RPS6KA2: variants seen among roughly 807,000 people sequenced by gnomAD.
RPS6KA2 encodes the protein ribosomal protein S6 kinase alpha-2.
A neutral mutation model predicts 91.8 loss-of-function variants in RPS6KA2; 42 were observed. The ratio of observed to expected loss-of-function variants is 0.46; its 90% CI spans 0.36 to 0.59. RPS6KA2 has a LOEUF of 0.59. RPS6KA2 is among the 20% of genes least tolerant of loss of function. The probability of loss-of-function intolerance (pLI) is 0.00; values close to 1 mark genes in which losing one functional copy is unlikely to be tolerated. For missense variants in RPS6KA2, 798 were observed against 978.5 expected (o/e 0.82, Z 2.46); for synonymous variants, 414 against 393.6 (o/e 1.05, Z -0.61).
chr6:166,775,576 C>T (rs758463843), intron 2 of RPS6KA2, among the ~76,000 whole-genome samples: 1 of 152,208 alleles, frequency 6.6e-6, no homozygotes, highest in Non-Finnish European at 1.5e-5. Flanking sequence ...CCATGACCCC[C>T]GACTCTCCCT....
rs112738788 is a variant in RPS6KA2, at chr6:166,848,214, C to T, written c.123+9986G>A. Among the ~76,000 whole-genome samples, 130 of 152,302 alleles carry T rather than the reference C, an allele frequency of 8.5e-4. 2 individuals carry two copies. The highest frequency in any genetic ancestry group is 3.0e-3 in the African/African-American group (126 of 41,562). On this transcript the variant is annotated intron_variant, in intron 2 of 21. Transcript: ENST00000503859. Reference sequence around the variant, plus strand: ...TATCAAAACCACAATGCAATATCATCTCACTCCTGCAATAATGCCCATAAT... The same window carrying T: ...TATCAAAACCACAATGCAATATCATTTCACTCCTGCAATAATGCCCATAAT...
At chr6:166,692,695 T>G (rs1789245865) in intron 2 of RPS6KA2, among the ~76,000 whole-genome samples, 1 of 152,244 alleles carries the variant, frequency 6.6e-6, no homozygotes, top group Non-Finnish European at 1.5e-5. Context: ...ACTGGCCTGT[T>G]TGGCTTCCAG....
rs147955259 is a variant in RPS6KA2, at chr6:166,483,503, G to A, written c.907+5330C>T. ...GGAAAAATCAGGCCTGATTTCTTACGGAGTTGGAAAAAATTAAGAAAAGCC... is the reference window on the plus strand; with the variant it reads ...GGAAAAATCAGGCCTGATTTCTTACAGAGTTGGAAAAAATTAAGAAAAGCC... On this transcript the variant is annotated intron_variant, in intron 10 of 20. Coordinates refer to ENST00000265678, the MANE Select transcript of RPS6KA2 (RefSeq NM_021135.6). Among the ~76,000 whole-genome samples the A allele has an allele frequency of 2.2e-3, 341 of 152,322 alleles. 2 individuals are homozygous for A. Among genetic ancestry groups the A allele is most frequent in the African/African-American group, 7.6e-3 (318 of 41,570 alleles).
At chr6:166,751,488 C>T (rs4710091) in intron 2 of RPS6KA2, among the ~76,000 whole-genome samples, 59,284 of 151,478 alleles carry the variant, frequency 0.39, 12,384 homozygotes, top group Non-Finnish European at 0.47. Context: ...CACCGCAGGG[C>T]GTGGAGGAGG....
intron 2 of RPS6KA2, among the ~76,000 whole-genome samples, chr6:166,845,979 A>C (rs1780595861): frequency 6.6e-6 from 1 of 152,174 alleles, no homozygotes; most frequent in Non-Finnish European, 1.5e-5. Context: ...TAACCAAGAA[A>C]AAAAGAGAAA....
intron 2 of RPS6KA2, among the ~76,000 whole-genome samples, chr6:166,654,842 T>C (rs919719367): frequency 1.1e-4 from 17 of 152,218 alleles, no homozygotes; most frequent in Admixed American, 9.8e-4. Context: ...AGACACTCGC[T>C]TCTGCCTGCC....
chr6:166,653,918 A>T (rs1787934709), intron 2 of RPS6KA2, among the ~76,000 whole-genome samples: 1 of 152,244 alleles, frequency 6.6e-6, no homozygotes, highest in African/African-American at 2.4e-5. Flanking sequence ...GGATTTTAGG[A>T]GGCTGTGCAA....
intron 11 of RPS6KA2, among the ~76,000 whole-genome samples, chr6:166,464,119 C>T (rs1780432385): frequency 6.6e-6 from 1 of 152,206 alleles, no homozygotes; most frequent in Non-Finnish European, 1.5e-5. Flanking sequence ...GCCTACAGCT[C>T]CCACACCCCC....
intron 1 of RPS6KA2, among the ~76,000 whole-genome samples, chr6:166,598,103 T>TC (rs1785604434): frequency 6.6e-6 from 1 of 152,250 alleles, no homozygotes; most frequent in African/African-American, 2.4e-5. Context: ...TTGTTGCTAT[T>TC]ATTTTCCTTA....
chr6:166,620,199 G>C (rs1206613530), intron 1 of RPS6KA2, among the ~76,000 whole-genome samples: 1 of 152,140 alleles, frequency 6.6e-6, no homozygotes, highest in Non-Finnish European at 1.5e-5. Context: ...TTTCTTATTT[G>C]TCAATCTCAT....
chr6:166,658,603 T>C (rs886704402), intron 2 of RPS6KA2, among the ~76,000 whole-genome samples: 1 of 152,050 alleles, frequency 6.6e-6, no homozygotes, highest in Non-Finnish European at 1.5e-5. Context: ...CATGTCAGGA[T>C]GTACCGGGAC....
Position 166,807,376 on chromosome 6 carries a change from C to G in RPS6KA2, c.123+50824G>C, listed in dbSNP as rs185045075. Among the ~76,000 whole-genome samples, 17 of 152,252 alleles carry G rather than the reference C, an allele frequency of 1.1e-4. No individual in the cohort carries two copies. The East Asian group carries it at 3.3e-3, about 29-fold the overall frequency. The stretch of plus-strand genomic sequence containing the variant: ...TGTTGACTCTGCCTTCCAAATATAC[C>G]CACACATGTGTTCTTTTTTCCACTT... On this transcript the variant is annotated intron_variant, in intron 2 of 21. Transcript: ENST00000503859.
intron 1 of RPS6KA2, among the ~76,000 whole-genome samples, chr6:166,562,665 C>T (rs1044272806): frequency 6.6e-6 from 1 of 152,212 alleles, no homozygotes; most frequent in African/African-American, 2.4e-5. Flanking sequence ...CAGGCTCAAC[C>T]TGGCGGGAAA....
At chr6:166,562,982 G>A (rs956006702) in intron 1 of RPS6KA2, among the ~76,000 whole-genome samples, 5 of 152,220 alleles carry the variant, frequency 3.3e-5, no homozygotes, top group East Asian at 1.9e-4. Context: ...CTGAGAAGGC[G>A]GCCGAGCCAG....
At chr6:166,851,552 C>T (rs1780743914) in intron 2 of RPS6KA2, among the ~76,000 whole-genome samples, 1 of 152,230 alleles carries the variant, frequency 6.6e-6, no homozygotes, top group East Asian at 1.9e-4. Context: ...TGCTGGTGCA[C>T]ACTCCCTGGA....
At chr6:166,756,686 A>G (rs1778018730) in intron 2 of RPS6KA2, among the ~76,000 whole-genome samples, 1 of 152,026 alleles carries the variant, frequency 6.6e-6, no homozygotes, top group South Asian at 2.1e-4. Context: ...CATCTCTACT[A>G]AAATACAAAA....
rs80115982 is a variant in RPS6KA2, at chr6:166,733,626, A to G, written c.123+124574T>C. ...AAGCCAGTGCCAGTCTCTTTAGGAA[A>G]AAGGTTTGGTAACACGGAGGTCACT... is the stretch of plus-strand genomic sequence containing the variant. On this transcript the variant is annotated intron_variant, in intron 2 of 21. Transcript: ENST00000503859. The surrounding 1 kb of genome is among the most constrained non-coding windows in gnomAD (Gnocchi z 4.1). Among the ~76,000 whole-genome samples, 3,025 of 152,230 alleles carry G rather than the reference A, an allele frequency of 0.02. 95 individuals are homozygous for G. The highest frequency in any genetic ancestry group is 0.067 in the African/African-American group (2,774 of 41,512).
intron 2 of RPS6KA2, among the ~76,000 whole-genome samples, chr6:166,711,646 G>A (rs1789857270): frequency 6.6e-6 from 1 of 151,882 alleles, no homozygotes; most frequent in Non-Finnish European, 1.5e-5. Flanking sequence ...CTGAGTCGAG[G>A]GAACAAAGGA....
intron 12 of RPS6KA2, among the ~76,000 whole-genome samples, chr6:166,453,065 G>T (rs111983017): frequency 3.3e-5 from 5 of 152,204 alleles, no homozygotes; most frequent in African/African-American, 1.2e-4. Flanking sequence ...GCCAGGTGTG[G>T]TGGTGTACGC....
Sources: allele counts gnomAD v4.1 joint callset (sites outside exome capture counted in the v4.1 genomes callset), GRCh38; gene constraint gnomAD v4.1.1; non-coding constraint Gnocchi (gnomAD v3.1); transcripts MANE v1.5; gene names NCBI Gene and HGNC (gene_info 2026-07-23, HGNC 2026-07-21).